Variants in ST7 observed in about 807,000 individuals in gnomAD.
ST7 encodes the protein suppressor of tumorigenicity 7 protein.
In ST7, 28 loss-of-function variants were observed where a neutral mutation model predicts 78.7. The ratio of observed to expected loss-of-function variants is 0.36; its 90% CI spans 0.26 to 0.49. The LOEUF is 0.49. ST7 is among the 20% of genes least tolerant of loss of function. The pLI is 0.99. For missense variants in ST7, 418 were observed against 696.0 expected, an observed-to-expected ratio of 0.60 and a Z score of 4.49; for synonymous variants, 247 against 249.6, an observed-to-expected ratio of 0.99 and a Z score of 0.10.
intron 1 of ST7, among the ~76,000 whole-genome samples, chr7:116,994,938 G>C (rs986181515): frequency 6.6e-6 from 1 of 152,032 alleles, no homozygotes; most frequent in African/African-American, 2.4e-5. Flanking sequence ...TCTTTCCTGG[G>C]AGGTAATCAG....
chr7:117,072,849 G>T (rs1451115039), intron 1 of ST7: 2 of 152,218 alleles, frequency 1.3e-5, no homozygotes, highest in Non-Finnish European at 2.9e-5. Context: ...ACTTCAGCTT[G>T]TCCAGCTTCA....
chr7:116,975,438 C>T lies in ST7; in HGVS notation c.151+21747C>T, dbSNP rs143056265. On this transcript the variant is annotated intron_variant, in intron 1 of 15. Transcript: ENST00000323984. ...AATTTTTTTTTTTGAGATGGAATCT[C>T]GCTTTGTCTCCCAGGCTAGAGTGCA... Among the ~76,000 whole-genome samples, 980 of 151,962 alleles carry T rather than the reference C, an allele frequency of 6.4e-3. 6 individuals carry two copies. Among genetic ancestry groups the T allele is most frequent in the Middle Eastern group, 0.014 (4 of 294 alleles).
At chr7:117,121,757 T>C in intron 3 of ST7, among the ~76,000 whole-genome samples, 1 of 152,138 alleles carries the variant, frequency 6.6e-6, no homozygotes, top group Non-Finnish European at 1.5e-5. Context: ...TCCATGGGGA[T>C]AAGAACTTTG....
intron 1 of ST7, among the ~76,000 whole-genome samples, chr7:117,066,377 T>C (rs1262661327): frequency 6.6e-6 from 1 of 152,228 alleles, no homozygotes; most frequent in African/African-American, 2.4e-5. Flanking sequence ...AACAAATAGA[T>C]ATTGAACAAA....
chr7:117,088,502 A>T (rs1387295688), intron 1 of ST7, among the ~76,000 whole-genome samples: 1 of 152,172 alleles, frequency 6.6e-6, no homozygotes, highest in Non-Finnish European at 1.5e-5. Context: ...ATTTCCATGC[A>T]TTTTAGATTT....
chr7:117,202,890 G>A (rs760193833), intron 12 of ST7, among the ~76,000 whole-genome samples: 9 of 152,116 alleles, frequency 5.9e-5, no homozygotes, highest in Non-Finnish European at 1.0e-4. Flanking sequence ...AGTATCTGCA[G>A]GGGATTGGTT....
chr7:117,172,221 A>G (rs1275510956), intron 10 of ST7, among the ~76,000 whole-genome samples: 1 of 152,224 alleles, frequency 6.6e-6, no homozygotes, highest in Non-Finnish European at 1.5e-5. Context: ...CTGGGAGTAC[A>G]GGCGTGAGCC....
chr7:117,211,986 A>G (rs1238795273), intron 13 of ST7, among the ~76,000 whole-genome samples: 2 of 152,210 alleles, frequency 1.3e-5, no homozygotes, highest in Admixed American at 6.5e-5. Flanking sequence ...TCTGCAGTTG[A>G]TCCTTACAGA....
intron 12 of ST7, among the ~76,000 whole-genome samples, chr7:117,208,911 GTGTGTGTGT>G (rs1792040900): frequency 5.6e-5 from 2 of 35,630 alleles, no homozygotes; most frequent in South Asian, 4.8e-3. Context: ...GGGTGTGTGT[GTGTGTGTGT>G]GTGTGTGTGT....
chr7:116,979,538 C>G (rs1441933771), intron 1 of ST7, among the ~76,000 whole-genome samples: 1 of 152,198 alleles, frequency 6.6e-6, no homozygotes, highest in Non-Finnish European at 1.5e-5. Flanking sequence ...AATTTCTCTT[C>G]AAGGCTCTTA....
intron 13 of ST7, among the ~76,000 whole-genome samples, chr7:117,217,213 A>G (rs1032850741): frequency 7.2e-5 from 11 of 151,754 alleles, no homozygotes; most frequent in African/African-American, 2.7e-4. Flanking sequence ...GGGTTTATTT[A>G]TATCATATGA....
intron 9 of ST7, among the ~76,000 whole-genome samples, chr7:117,143,990 G>A (rs749315389): frequency 1.6e-4 from 24 of 152,210 alleles, no homozygotes; most frequent in Admixed American, 3.9e-4. Context: ...CTTCGTGTGC[G>A]TTTACCTGTT....
At chr7:117,200,265 C>T (rs1810693538) in intron 12 of ST7, among the ~76,000 whole-genome samples, 1 of 152,180 alleles carries the variant, frequency 6.6e-6, no homozygotes, top group South Asian at 2.1e-4. Context: ...GGTAGCCCAG[C>T]AACCCCAAGG....
rs532196555 is a variant in ST7 at position 117,142,665 on chromosome 7, A to T, written c.963+4133A>T. On this transcript the variant is annotated intron_variant, in intron 9 of 15. Coordinates refer to ENST00000323984, the MANE Select transcript of ST7 (RefSeq NM_001369598.1). ...TCTCTTTCTGTCTCCAGGCTGGAATACAGTGGCATGATCTTGGCTCACTGC... is the reference window on the plus strand; with the variant it reads ...TCTCTTTCTGTCTCCAGGCTGGAATTCAGTGGCATGATCTTGGCTCACTGC... 1.1e-4 allele frequency among the ~76,000 whole-genome samples: 17 copies of T among 152,090 alleles called. No homozygotes were observed. The East Asian group carries it at 3.3e-3, about 29-fold the overall frequency.
At chr7:117,068,877 G>A (rs1209917270) in intron 1 of ST7, among the ~76,000 whole-genome samples, 1 of 152,216 alleles carries the variant, frequency 6.6e-6, no homozygotes, top group Non-Finnish European at 1.5e-5. Flanking sequence ...GTGTGAAACA[G>A]CGAGCAGCTG....
At chr7:117,114,585 C>T (rs187308596) in intron 2 of ST7, among the ~76,000 whole-genome samples, 95 of 152,266 alleles carry the variant, frequency 6.2e-4, no homozygotes, top group African/African-American at 2.2e-3. Context: ...TTAAGAAGCA[C>T]TTAGCCAGTT....
chr7:117,020,727 A>G, intron 1 of ST7: 1 of 1,500,418 alleles, frequency 6.7e-7, no homozygotes, highest in Non-Finnish European at 9.0e-7. Context: ...TAGGTCATTA[A>G]CAACCTTTGT....
At chr7:117,215,678 A>G (rs953562816) in intron 13 of ST7, among the ~76,000 whole-genome samples, 47 of 152,198 alleles carry the variant, frequency 3.1e-4, no homozygotes, top group Middle Eastern at 3.2e-3. Context: ...CCGCTTCTCC[A>G]TTATGTACAC....
chr7:117,173,038 ATGTTCACATTAT>A (rs1156460837), intron 10 of ST7, among the ~76,000 whole-genome samples: 2 of 152,202 alleles, frequency 1.3e-5, no homozygotes. Flanking sequence ...CTGATAACAT[ATGTTCACATTAT>A]TTGTTACAAC....
Sources: allele counts gnomAD v4.1 joint callset (sites outside exome capture counted in the v4.1 genomes callset), GRCh38; gene constraint gnomAD v4.1.1; transcripts MANE v1.5; gene names NCBI Gene and HGNC (gene_info 2026-07-23, HGNC 2026-07-21).